Variants in DYM observed in about 807,000 individuals in gnomAD.
DYM encodes dymeclin.
Under a neutral mutation model 93.1 loss-of-function variants are expected in DYM, and 78 were observed. That is an observed-to-expected ratio of 0.84 (90% confidence interval 0.70 to 1.01). The LOEUF (loss-of-function observed/expected upper bound fraction) is 1.01. Among genes scored for constraint, DYM ranks in the 50% least tolerant of loss-of-function variants. The pLI is 0.00. For missense variants in DYM, 789 were observed against 845.0 expected, an observed-to-expected ratio of 0.93 and a Z score of 0.82; for synonymous variants, 321 against 319.7, an observed-to-expected ratio of 1.00 and a Z score of -0.04.
At chr18:49,428,317 C>G (rs1196332511) in intron 2 of DYM, among the ~76,000 whole-genome samples, 1 of 152,002 alleles carries the variant, frequency 6.6e-6, no homozygotes, top group Non-Finnish European at 1.5e-5. Flanking sequence ...AGAAAGAAGC[C>G]AGTCACAAAA....
intron 17 of DYM, among the ~76,000 whole-genome samples, chr18:49,081,266 C>A (rs1345804005): frequency 6.6e-6 from 1 of 151,054 alleles, no homozygotes; most frequent in East Asian, 2.0e-4. Flanking sequence ...CCTCGGGAGG[C>A]CGAGGCTGGC....
At chr18:49,385,594 C>A (rs1374330833) in intron 3 of DYM, among the ~76,000 whole-genome samples, 1 of 151,904 alleles carries the variant, frequency 6.6e-6, no homozygotes, top group Non-Finnish European at 1.5e-5. Flanking sequence ...ACTTGGGAGG[C>A]TGAGACAGGA....
intron 14 of DYM, among the ~76,000 whole-genome samples, chr18:49,182,386 TA>T (rs1371888042): frequency 1.3e-5 from 2 of 152,224 alleles, no homozygotes; most frequent in African/African-American, 4.8e-5. Context: ...ATAACAAAGA[TA>T]TATTGAAAGC....
At chr18:49,128,987 T>C (rs1276893232) in intron 15 of DYM, among the ~76,000 whole-genome samples, 1 of 152,196 alleles carries the variant, frequency 6.6e-6, no homozygotes, top group Non-Finnish European at 1.5e-5. Flanking sequence ...AACCTGTGTG[T>C]CATGGATTAC....
At chr18:49,184,912 C>A (rs1166068991) in intron 14 of DYM, among the ~76,000 whole-genome samples, 1 of 152,106 alleles carries the variant, frequency 6.6e-6, no homozygotes, top group Non-Finnish European at 1.5e-5. Flanking sequence ...AAATAACCAT[C>A]ATTTATGACA....
intron 11 of DYM, among the ~76,000 whole-genome samples, chr18:49,263,182 G>A (rs1161841118): frequency 6.6e-6 from 1 of 151,476 alleles, no homozygotes. Flanking sequence ...GCAATGGCAC[G>A]ATCTCGGCTC....
intron 2 of DYM, among the ~76,000 whole-genome samples, chr18:49,395,103 C>G (rs902948182): frequency 2.0e-5 from 3 of 152,170 alleles, no homozygotes; most frequent in Middle Eastern, 6.8e-3. Flanking sequence ...GATAAGACCT[C>G]AAAAGCACAG....
intron 17 of DYM, among the ~76,000 whole-genome samples, chr18:49,080,279 G>T (rs2077765775): frequency 3.7e-5 from 5 of 134,088 alleles, no homozygotes; most frequent in Non-Finnish European, 4.9e-5. Flanking sequence ...CCCAGTAGGG[G>T]CGGCGGGGCA....
intron 8 of DYM, among the ~76,000 whole-genome samples, chr18:49,289,756 T>TAC (rs1368607553): frequency 2.1e-5 from 1 of 47,706 alleles, no homozygotes; most frequent in Non-Finnish European, 4.3e-5. Flanking sequence ...TATATATATA[T>TAC]ATATATATAT....
chr18:49,215,409 T>A (rs1392628117), intron 13 of DYM, among the ~76,000 whole-genome samples: 1 of 152,232 alleles, frequency 6.6e-6, no homozygotes, highest in Non-Finnish European at 1.5e-5. Flanking sequence ...TGGTGCATGG[T>A]GAGAATAAAA....
intron 13 of DYM, among the ~76,000 whole-genome samples, chr18:49,256,149 C>T (rs2094390836): frequency 6.6e-6 from 1 of 151,158 alleles, no homozygotes; most frequent in Admixed American, 6.6e-5. Context: ...GGGTTTCTGG[C>T]AGACAGAATA....
intron 3 of DYM, among the ~76,000 whole-genome samples, chr18:49,383,144 CT>C (rs2068218596): frequency 6.6e-6 from 1 of 152,112 alleles, no homozygotes; most frequent in Admixed American, 6.5e-5. Context: ...GGGAAACTTG[CT>C]TTGAAAAGAA....
At chr18:49,188,324 T>C (rs1489977973) in intron 14 of DYM, among the ~76,000 whole-genome samples, 1 of 152,186 alleles carries the variant, frequency 6.6e-6, no homozygotes, top group Admixed American at 6.5e-5. Context: ...CTGTCCATTT[T>C]GTTTTATGAG....
At chr18:49,152,610 G>A (rs1332365806) in intron 15 of DYM, among the ~76,000 whole-genome samples, 1 of 152,140 alleles carries the variant, frequency 6.6e-6, no homozygotes, top group Non-Finnish European at 1.5e-5. Flanking sequence ...ATGACCATAT[G>A]ATCCAACAAT....
Position 49,442,368 on chromosome 18 carries a change from C to T in DYM, c.-53-11921G>A, listed in dbSNP as rs541016629. Among the ~76,000 whole-genome samples, 5 of 144,306 alleles carry T rather than the reference C, an allele frequency of 3.5e-5. No homozygotes were observed. In the Admixed American group the frequency reaches 3.6e-4, roughly 10 times the overall value. 94.7% of individuals were successfully genotyped at this position (144,306 alleles called of 152,430 possible). On this transcript the variant is annotated intron_variant, in intron 1 of 17. Coordinates refer to ENST00000675505, the MANE Select transcript of DYM (RefSeq NM_001353214.3). The stretch of plus-strand genomic sequence containing the variant: ...GAGATCAACCTGGGCAACACAGAGA[C>T]ATTTTTAATGCCTCTACAAAAAAAT...
intron 8 of DYM, 124 bp downstream of exon 8, chr18:49,331,740 T>C (rs2063320184): frequency 1.1e-5 from 12 of 1,068,388 alleles, no homozygotes; most frequent in South Asian, 9.3e-5. Context: ...TGTTTTCACA[T>C]TGAACCAGCT....
At chr18:49,169,133 G>T (rs139836115) in intron 14 of DYM, among the ~76,000 whole-genome samples, 1 of 152,200 alleles carries the variant, frequency 6.6e-6, no homozygotes, top group Non-Finnish European at 1.5e-5. Flanking sequence ...GAAAGCAAAA[G>T]CAACACAGTT....
At chr18:49,145,562 A>G (rs2085033626) in intron 15 of DYM, among the ~76,000 whole-genome samples, 1 of 151,854 alleles carries the variant, frequency 6.6e-6, no homozygotes, top group African/African-American at 2.4e-5. Context: ...CTGTTTAACA[A>G]TTTTTTCTAT....
chr18:49,430,398 C>T lies in DYM; in HGVS notation c.-4G>A, dbSNP rs927132161. The T allele has an allele frequency of 4.3e-6, 7 of 1,613,180 alleles. No individual in the cohort carries two copies. In the African/African-American group the frequency reaches 9.3e-5, roughly 22 times the overall value. ...TTCTGCTGCTATTCGATCCCATCTT[C>T]TAGCTTAAGCAGATAATTTGTCCTT... On this transcript the variant is annotated 5_prime_UTR_variant, in exon 2 of 18. Coordinates refer to ENST00000675505, the MANE Select transcript of DYM (RefSeq NM_001353214.3).
Sources: allele counts gnomAD v4.1 joint callset (sites outside exome capture counted in the v4.1 genomes callset), GRCh38; gene constraint gnomAD v4.1.1; transcripts MANE v1.5; gene names NCBI Gene and HGNC (gene_info 2026-07-23, HGNC 2026-07-21).